The following RSF1 variants were observed in gnomAD, a reference collection of about 807,000 sequenced individuals.
RSF1 encodes the protein HBV pX-associated protein 8.
Under a neutral mutation model 145.2 loss-of-function variants are expected in RSF1, and 13 were observed. That is an observed-to-expected ratio of 0.09 (90% CI 0.06 to 0.14). The LOEUF is 0.14. Ranked by LOEUF, RSF1 falls within the 10% of genes least tolerant of loss-of-function variation. RSF1 has a pLI of 1.00. For missense variants in RSF1, 1,517 were observed against 1,718.2 expected (o/e 0.88, Z 2.07); for synonymous variants, 577 against 592.6 (o/e 0.97, Z 0.38).
At chr11:77,841,068 C>A in the RSF1 span, 1 of 627,880 alleles carries the variant, frequency 1.6e-6, no homozygotes, top group Non-Finnish European at 2.9e-6. Context: ...CTGGTGAGAG[C>A]CTTCTTGCTG....
At chr11:77,753,934 A>G (rs760987894) in intron 2 of RSF1, among the ~76,000 whole-genome samples, 4 of 152,126 alleles carry the variant, frequency 2.6e-5, no homozygotes, top group Non-Finnish European at 4.4e-5. Context: ...ACCCCCAACC[A>G]ATAAGCAGTA....
upstream of RSF1, among the ~76,000 whole-genome samples, chr11:77,823,621 CAAAAAAA>C (rs397970373): frequency 2.0e-5 from 2 of 97,658 alleles, no homozygotes; most frequent in Middle Eastern, 5.4e-3. Flanking sequence ...CACCCTGTCT[CAAAAAAA>C]AAAAAAAAAA....
chr11:77,746,780 C>T (rs60937178), intron 3 of RSF1, among the ~76,000 whole-genome samples: 3,098 of 152,196 alleles, frequency 0.02, 96 homozygotes, highest in African/African-American at 0.07. Context: ...AGGCTGAAAA[C>T]AATGAATAAA....
the RSF1 span, among the ~76,000 whole-genome samples, chr11:77,857,990 G>A: frequency 2.6e-5 from 4 of 152,048 alleles, no homozygotes; most frequent in East Asian, 3.9e-4. Context: ...CAACGTGCCC[G>A]GCCATCATCT....
intron 1 of RSF1, among the ~76,000 whole-genome samples, chr11:77,818,178 G>A (rs1948800203): frequency 6.6e-6 from 1 of 152,084 alleles, no homozygotes; most frequent in Non-Finnish European, 1.5e-5. Context: ...TACTTACTTA[G>A]TGAACCACTA....
chr11:77,801,415 G>A (rs1487387845), intron 1 of RSF1, among the ~76,000 whole-genome samples: 4 of 152,180 alleles, frequency 2.6e-5, no homozygotes, highest in Admixed American at 6.5e-5. Flanking sequence ...GCAAAACAGA[G>A]CAAGACTCCG....
the RSF1 span, among the ~76,000 whole-genome samples, chr11:77,845,596 C>T: frequency 6.6e-6 from 1 of 151,922 alleles, no homozygotes; most frequent in South Asian, 2.1e-4. Flanking sequence ...ATGTCCAGCT[C>T]TTTTTGTATT....
In RSF1 at chr11:77,701,999, T is replaced by C; in HGVS notation, c.1230A>G (p.Thr410=). The stretch of plus-strand genomic sequence containing the variant: ...TTATTTCATCTTTCAAAAACTCTTT[T>C]GTTGGAGTAACTGATTTACACAAAG... ...KGPLCKSVTP[T]KEFLKDEIKQ... is the part of the protein sequence containing the mutation. The change falls in exon 6 of 16, where the codon ACA becomes ACG. Residue 410 remains threonine, a synonymous_variant. Coordinates refer to ENST00000308488, the MANE Select transcript of RSF1 (RefSeq NM_016578.4). 1 of 1,614,058 alleles carries C rather than the reference T, an allele frequency of 6.2e-7. No homozygotes were observed. Among genetic ancestry groups the C allele is most frequent in the Non-Finnish European group, 8.5e-7 (1 of 1,179,996 alleles).
intron 9 of RSF1, 58 bp downstream of exon 9, chr11:77,691,101 G>A: frequency 6.8e-7 from 1 of 1,470,962 alleles, no homozygotes; most frequent in Non-Finnish European, 9.5e-7. Context: ...TATCCATACA[G>A]TGAGACAATT....
At chr11:77,866,448 C>T in the RSF1 span, 34,691 of 152,040 alleles carry the variant, frequency 0.23, 4,050 homozygotes, top group Middle Eastern at 0.25. Context: ...ATAATAGTCT[C>T]AAGCTCCAAT....
chr11:77,690,942 G>A, intron 9 of RSF1: 1 of 530,308 alleles, frequency 1.9e-6, no homozygotes, highest in Non-Finnish European at 3.3e-6. Context: ...TAATTTTCAT[G>A]TGTCATGAAA....
chr11:77,753,858 G>A (rs889369328), intron 2 of RSF1, among the ~76,000 whole-genome samples: 2 of 152,152 alleles, frequency 1.3e-5, no homozygotes, highest in East Asian at 1.9e-4. Flanking sequence ...GTGGCTCCAC[G>A]TGGACCTGCC....
At chr11:77,833,208 G>A in the RSF1 span, among the ~76,000 whole-genome samples, 2 of 150,804 alleles carry the variant, frequency 1.3e-5, no homozygotes, top group African/African-American at 4.9e-5. Context: ...TGGGGTTTTC[G>A]CCATGTTGGC....
intron 15 of RSF1, among the ~76,000 whole-genome samples, chr11:77,669,659 A>C (rs929270492): frequency 1.3e-5 from 2 of 152,240 alleles, no homozygotes; most frequent in African/African-American, 2.4e-5. Flanking sequence ...AACGATCAGC[A>C]CACATATAAT....
intron 4 of RSF1, among the ~76,000 whole-genome samples, chr11:77,733,517 A>G (rs1047817340): frequency 5.3e-5 from 8 of 151,718 alleles, no homozygotes; most frequent in Admixed American, 5.3e-4. Flanking sequence ...TCTAATCATT[A>G]ATAACCAAAC....
intron 1 of RSF1, among the ~76,000 whole-genome samples, chr11:77,796,791 A>T (rs1296327216): frequency 2.0e-5 from 3 of 152,216 alleles, no homozygotes; most frequent in Admixed American, 6.5e-5. Flanking sequence ...TCCTTAAGCT[A>T]ATAAGCAACT....
At chr11:77,723,131 T>C (rs959484025) in intron 5 of RSF1, among the ~76,000 whole-genome samples, 3 of 152,140 alleles carry the variant, frequency 2.0e-5, no homozygotes, top group South Asian at 2.1e-4. Context: ...TAAAAAAGAA[T>C]AGAAATTCAA....
the RSF1 span, chr11:77,869,016 G>A: frequency 2.9e-6 from 1 of 339,838 alleles, no homozygotes; most frequent in Non-Finnish European, 5.6e-6. Context: ...TTCCAGTTTT[G>A]CCATGGTAAC....
intron 4 of RSF1, among the ~76,000 whole-genome samples, chr11:77,730,249 G>GAT (rs923451450): frequency 2.3e-4 from 35 of 151,678 alleles, no homozygotes; most frequent in Admixed American, 8.5e-4. Flanking sequence ...GCAGGTTTTA[G>GAT]ATATATATAT....
Sources: allele counts gnomAD v4.1 joint callset (sites outside exome capture counted in the v4.1 genomes callset), GRCh38; gene constraint gnomAD v4.1.1; transcripts MANE v1.5; gene names NCBI Gene and HGNC (gene_info 2026-07-23, HGNC 2026-07-21).